TFDP2: variants seen among roughly 807,000 people sequenced by gnomAD.
The protein encoded by TFDP2 is transcription factor Dp-2.
In TFDP2, 17 loss-of-function variants were observed where a neutral mutation model predicts 59.3. That is an observed-to-expected ratio of 0.29 (90% CI 0.20 to 0.43). The LOEUF (loss-of-function observed/expected upper bound fraction) is 0.43. Among genes scored for constraint, TFDP2 ranks in the 20% least tolerant of loss-of-function variants. The pLI is 1.00. For missense variants in TFDP2, 391 were observed against 528.8 expected (o/e 0.74, Z 2.56); for synonymous variants, 180 against 194.7 (o/e 0.92, Z 0.63).
chr3:142,043,705 C>G, intron 3 of TFDP2: 1 of 1,136,086 alleles, frequency 8.8e-7, no homozygotes, highest in Non-Finnish European at 1.3e-6. Flanking sequence ...ACCGTGCTTG[C>G]GTGCTTCCTT....
intron 6 of TFDP2, among the ~76,000 whole-genome samples, chr3:141,986,730 C>T (rs1253611609): frequency 1.3e-5 from 2 of 152,104 alleles, no homozygotes; most frequent in Non-Finnish European, 2.9e-5. Context: ...CTGCTAACTC[C>T]CAAAATGACT....
In TFDP2 at chr3:141,968,781, GAT is replaced by G. The variant is rs1197203785; in HGVS notation, c.732+1290_732+1291del. Among the ~76,000 whole-genome samples, 243 of 53,142 alleles carry G rather than the reference GAT, an allele frequency of 4.6e-3. 17 individuals are homozygous for G. The highest frequency in any genetic ancestry group is 7.3e-3 in the Non-Finnish European group (206 of 28,386). 34.9% of individuals were successfully genotyped at this position (53,142 alleles called of 152,430 possible). The stretch of plus-strand genomic sequence containing the variant: ...ATATAACATATATATCTCATATATA[GAT>G]ATATATAACACATATATATCTCATA... On this transcript the variant is annotated intron_variant, in intron 9 of 12. Coordinates refer to ENST00000489671, the MANE Select transcript of TFDP2 (RefSeq NM_001178139.2).
At chr3:142,079,486 A>G (rs2060566876) in intron 3 of TFDP2, among the ~76,000 whole-genome samples, 1 of 152,202 alleles carries the variant, frequency 6.6e-6, no homozygotes, top group African/African-American at 2.4e-5. Flanking sequence ...TCAAAGAGAT[A>G]ATACCAGCAA....
At chr3:141,961,153 T>C (rs935306406) in intron 10 of TFDP2, among the ~76,000 whole-genome samples, 9 of 152,138 alleles carry the variant, frequency 5.9e-5, no homozygotes, top group Admixed American at 5.9e-4. Flanking sequence ...AGAGACTAAT[T>C]TGAGAGAGTA....
At chr3:142,043,594 G>A in intron 3 of TFDP2, 2 of 779,456 alleles carry the variant, frequency 2.6e-6, no homozygotes, top group Admixed American at 2.0e-5. Context: ...AATCACGGAG[G>A]CCAGTATGTA....
chr3:142,050,039 C>T (rs1252589338), intron 3 of TFDP2, among the ~76,000 whole-genome samples: 4 of 151,862 alleles, frequency 2.6e-5, no homozygotes, highest in African/African-American at 9.7e-5. Context: ...AAGGCTGAGG[C>T]GGGCAGATCA....
chr3:142,086,729 C>T (rs1347160332), intron 3 of TFDP2, among the ~76,000 whole-genome samples: 2 of 152,142 alleles, frequency 1.3e-5, no homozygotes, highest in Non-Finnish European at 2.9e-5. Context: ...GGCTTCATCA[C>T]AGAGGTATGA....
intron 3 of TFDP2, among the ~76,000 whole-genome samples, chr3:142,075,048 C>T (rs1470691734): frequency 6.6e-6 from 1 of 151,884 alleles, no homozygotes; most frequent in East Asian, 1.9e-4. Context: ...CACGTTACAC[C>T]ATTAAAAAAA....
At chr3:142,032,521 C>T (rs1946484314) in intron 3 of TFDP2, among the ~76,000 whole-genome samples, 1 of 152,188 alleles carries the variant, frequency 6.6e-6, no homozygotes, top group Non-Finnish European at 1.5e-5. Flanking sequence ...AAGATGACTA[C>T]AGAAATTTAT....
At chr3:142,048,702 A>C (rs1185151371) in intron 3 of TFDP2, among the ~76,000 whole-genome samples, 1 of 152,084 alleles carries the variant, frequency 6.6e-6, no homozygotes, top group Non-Finnish European at 1.5e-5. Flanking sequence ...AGTAGCTAGG[A>C]TTACAGGAGT....
At chr3:142,025,952 G>A (rs1946049080) in intron 3 of TFDP2, among the ~76,000 whole-genome samples, 1 of 152,128 alleles carries the variant, frequency 6.6e-6, no homozygotes, top group Non-Finnish European at 1.5e-5. Flanking sequence ...CAACAAGAGC[G>A]AAACTCCATC....
chr3:142,091,799 T>C, intron 3 of TFDP2, among the ~76,000 whole-genome samples: 1 of 152,080 alleles, frequency 6.6e-6, no homozygotes, highest in East Asian at 1.9e-4. Context: ...CCCAGATCCC[T>C]CCCATGTGCA....
At chr3:142,127,311 T>TC (rs1427698388) in intron 1 of TFDP2, among the ~76,000 whole-genome samples, 1 of 142,246 alleles carries the variant, frequency 7.0e-6, no homozygotes, top group East Asian at 2.0e-4. Flanking sequence ...CGCTTTTTTT[T>TC]TTTTTTTTTT....
intron 5 of TFDP2, among the ~76,000 whole-genome samples, chr3:141,993,952 T>C (rs1943029290): frequency 6.6e-6 from 1 of 152,250 alleles, no homozygotes; most frequent in Non-Finnish European, 1.5e-5. Context: ...ACCCTGGTCA[T>C]TTCCAAAGTG....
chr3:142,002,450 G>A (rs1943872006), intron 4 of TFDP2, among the ~76,000 whole-genome samples: 1 of 151,098 alleles, frequency 6.6e-6, no homozygotes, highest in Admixed American at 6.6e-5. Context: ...TGAGCCACTG[G>A]GCCCAGCCTT....
chr3:142,134,164 T>C (rs2062625963), intron 1 of TFDP2, among the ~76,000 whole-genome samples: 1 of 151,708 alleles, frequency 6.6e-6, no homozygotes, highest in South Asian at 2.1e-4. Context: ...GAGTTCCACG[T>C]AGTCCCAGCT....
At chr3:142,131,233 G>A (rs1417410405) in intron 1 of TFDP2, among the ~76,000 whole-genome samples, 2 of 149,920 alleles carry the variant, frequency 1.3e-5, no homozygotes, top group Non-Finnish European at 2.9e-5. Context: ...AAGAAAGGTA[G>A]TATTTAGCAG....
intron 9 of TFDP2, among the ~76,000 whole-genome samples, chr3:141,968,381 C>CTCATATATATAACATATATA (rs1481541077): frequency 1.4e-4 from 13 of 90,528 alleles, no homozygotes; most frequent in Non-Finnish European, 2.7e-4. Context: ...TAACATATAT[C>CTCATATATATAACATATATA]TCATATATAT....
chr3:142,077,221 G>C (rs2060488238), intron 3 of TFDP2, among the ~76,000 whole-genome samples: 1 of 152,100 alleles, frequency 6.6e-6, no homozygotes, highest in South Asian at 2.1e-4. Flanking sequence ...CAGAGCTCTG[G>C]GGTCCTAAAC....
Sources: gnomAD v4.1 joint callset for allele counts (sites outside exome capture counted in the v4.1 genomes callset) on GRCh38, gnomAD v4.1.1 for gene constraint, MANE v1.5 for transcripts, NCBI Gene and HGNC (gene_info 2026-07-23, HGNC 2026-07-21) for gene names.